PUDP: variants seen among roughly 807,000 people sequenced by gnomAD.
PUDP encodes pseudouridine-5'-phosphatase.
A neutral mutation model predicts 9.4 loss-of-function variants in PUDP; 8 were observed. The ratio of observed to expected loss-of-function variants is 0.85; its 90% confidence interval spans 0.50 to 1.53. The LOEUF (loss-of-function observed/expected upper bound fraction) is 1.53, where lower values mean the gene tolerates loss of function less well. PUDP is among the 40% of genes most tolerant of loss of function. The probability of loss-of-function intolerance (pLI) is 0.00; values close to 1 mark genes in which losing one functional copy is unlikely to be tolerated. For missense variants in PUDP, 188 were observed against 189.7 expected (o/e 0.99, Z 0.05); for synonymous variants, 99 against 80.7 (o/e 1.23, Z -1.22).
intron 3 of PUDP, among the ~76,000 whole-genome samples, chrX:6,930,545 G>A (rs1402963459): frequency 9.0e-6 from 1 of 111,361 alleles, no homozygotes. Flanking sequence ...CTCAGTTCTG[G>A]GAAAACCCCA....
At chrX:6,824,920 G>A (rs1230745578) in intron 3 of PUDP, among the ~76,000 whole-genome samples, 1 of 112,020 alleles carries the variant, frequency 8.9e-6, no homozygotes, top group Non-Finnish European at 1.9e-5. Context: ...GAGCACCCAG[G>A]TGGAAGACGG....
chrX:7,118,786 C>T (rs1270640284), intron 1 of PUDP, among the ~76,000 whole-genome samples: 1 of 111,280 alleles, frequency 9.0e-6, no homozygotes, highest in East Asian at 2.8e-4. Flanking sequence ...CTCGAGAAGC[C>T]AGATATCCCG....
intron 3 of PUDP, among the ~76,000 whole-genome samples, chrX:6,964,621 C>T (rs760187808): frequency 2.8e-3 from 306 of 110,894 alleles, no homozygotes; most frequent in Non-Finnish European, 5.0e-3. Context: ...CTGCAGTGAG[C>T]AGTGATTATG....
Position 6,710,504 on chromosome X carries a change from A to G in PUDP, n.129-4038T>C, listed in dbSNP as rs750513696. On this transcript the variant is annotated intron_variant and non_coding_transcript_variant, in intron 1 of 2. Coordinates refer to the PUDP transcript ENST00000438499. ...ATTGCTGTGACCTCTCAGGACTCAC[A>G]TCCCCTAAGTCAGCCGCCTGTTCCC... Among the ~76,000 whole-genome samples the G allele has an allele frequency of 7.1e-5, 8 of 111,973 alleles. No individual in the cohort carries two copies. In the South Asian group the frequency reaches 3.0e-3, roughly 42 times the overall value.
intron 3 of PUDP, among the ~76,000 whole-genome samples, chrX:6,727,952 T>C (rs1044649672): frequency 5.4e-5 from 6 of 111,865 alleles, no homozygotes; most frequent in African/African-American, 1.6e-4. Flanking sequence ...GGTTTATTTA[T>C]TAGGAGGTTT....
At chrX:7,081,882 C>A (rs891319975) in intron 2 of PUDP, among the ~76,000 whole-genome samples, 1 of 112,860 alleles carries the variant, frequency 8.9e-6, no homozygotes, top group Non-Finnish European at 1.9e-5. Context: ...GATATAGCTC[C>A]AGTGTATCAT....
chrX:7,004,518 C>T (rs1318212137), intron 1 of PUDP, among the ~76,000 whole-genome samples: 1 of 111,648 alleles, frequency 9.0e-6, no homozygotes, highest in African/African-American at 3.3e-5. Context: ...TGCTCATTTC[C>T]CGAAATTTTC....
chrX:6,753,041 T>G (rs1474571521), intron 3 of PUDP, among the ~76,000 whole-genome samples: 1 of 111,267 alleles, frequency 9.0e-6, no homozygotes, highest in African/African-American at 3.3e-5. Flanking sequence ...ACCTCTTTAG[T>G]GGTGATTTGT....
intron 1 of PUDP, among the ~76,000 whole-genome samples, chrX:6,987,661 A>G (rs1312974508): frequency 1.8e-5 from 2 of 112,465 alleles, no homozygotes; most frequent in Non-Finnish European, 3.8e-5. Context: ...CAGTTTTATT[A>G]AAACACAGTC....
chrX:6,921,268 A>T (rs1928018566), intron 3 of PUDP, among the ~76,000 whole-genome samples: 1 of 110,312 alleles, frequency 9.1e-6, no homozygotes, highest in African/African-American at 3.3e-5. Flanking sequence ...CCCTGGCCCC[A>T]GCTACTCAGG....
intron 3 of PUDP, among the ~76,000 whole-genome samples, chrX:6,837,951 C>A (rs1410710454): frequency 9.1e-6 from 1 of 109,499 alleles, no homozygotes; most frequent in Non-Finnish European, 1.9e-5. Context: ...TATCTCAACA[C>A]AATAGAAATA....
At chrX:6,792,175 A>G (rs1925759739) in intron 3 of PUDP, among the ~76,000 whole-genome samples, 2 of 110,512 alleles carry the variant, frequency 1.8e-5, no homozygotes, top group Non-Finnish European at 3.8e-5. Flanking sequence ...AAGGAGGGGG[A>G]AAATAATGTG....
intron 3 of PUDP, among the ~76,000 whole-genome samples, chrX:6,807,456 T>C (rs1926069686): frequency 8.9e-6 from 1 of 112,501 alleles, no homozygotes; most frequent in Non-Finnish European, 1.9e-5. Context: ...TAGCTTCCCC[T>C]CTCGTACCAT....
intron 3 of PUDP, among the ~76,000 whole-genome samples, chrX:6,735,467 A>C (rs750636201): frequency 8.9e-6 from 1 of 112,432 alleles, no homozygotes; most frequent in Non-Finnish European, 1.9e-5. Flanking sequence ...CCTCCATAGA[A>C]ACAAAATATA....
chrX:6,826,773 T>C (rs1463924585), intron 3 of PUDP, among the ~76,000 whole-genome samples: 1 of 112,046 alleles, frequency 8.9e-6, no homozygotes, highest in Non-Finnish European at 1.9e-5. Flanking sequence ...ATTCTTGATT[T>C]TCCTTTTGTT....
chrX:6,800,234 T>A (rs1440383124), intron 3 of PUDP, among the ~76,000 whole-genome samples: 1 of 112,140 alleles, frequency 8.9e-6, no homozygotes, highest in East Asian at 2.8e-4. Context: ...ATAGTCCTCC[T>A]CAGTCCCGCC....
At chrX:6,929,982 C>T (rs1378405160) in intron 3 of PUDP, among the ~76,000 whole-genome samples, 1 of 111,004 alleles carries the variant, frequency 9.0e-6, no homozygotes, top group Non-Finnish European at 1.9e-5. Context: ...TCCTTCTGCA[C>T]CAGGCCATGG....
chrX:7,122,812 G>A (rs939044760), intron 1 of PUDP, among the ~76,000 whole-genome samples: 4 of 112,284 alleles, frequency 3.6e-5, no homozygotes, highest in Non-Finnish European at 5.6e-5. Flanking sequence ...CTAGAGTTAC[G>A]TTATGAGTTT....
chrX:6,763,797 C>T (rs1005083566), intron 3 of PUDP, among the ~76,000 whole-genome samples: 1 of 111,630 alleles, frequency 9.0e-6, no homozygotes, highest in Non-Finnish European at 1.9e-5. Flanking sequence ...CTTTTTATAC[C>T]TCTGGATATA....
Sources: allele counts gnomAD v4.1 joint callset (sites outside exome capture counted in the v4.1 genomes callset), GRCh38; gene constraint gnomAD v4.1.1; transcripts MANE v1.5; gene names NCBI Gene and HGNC (gene_info 2026-07-23, HGNC 2026-07-21).